RGL1: variants seen among roughly 807,000 people sequenced by gnomAD.
RGL1 encodes the protein ral guanine nucleotide dissociation stimulator-like 1.
A neutral mutation model predicts 95.2 loss-of-function variants in RGL1; 24 were observed. The observed-to-expected ratio is 0.25, with a 90% CI of 0.18 to 0.35. The LOEUF is 0.35. Ranked by LOEUF, RGL1 falls within the 10% of genes least tolerant of loss-of-function variation. The pLI, the probability that RGL1 is intolerant of heterozygous loss-of-function variation, is 1.00. For missense variants in RGL1, 715 were observed against 936.3 expected, an observed-to-expected ratio of 0.76 and a Z score of 3.08; for synonymous variants, 329 against 344.9, an observed-to-expected ratio of 0.95 and a Z score of 0.51.
chr1:183,863,789 T>G (rs1665662070), intron 3 of RGL1, among the ~76,000 whole-genome samples: 1 of 152,196 alleles, frequency 6.6e-6, no homozygotes, highest in Non-Finnish European at 1.5e-5. Context: ...ACACTCCTTT[T>G]TATCCATGGC....
intron 1 of RGL1, among the ~76,000 whole-genome samples, chr1:183,734,112 C>T (rs1478785240): frequency 6.6e-6 from 1 of 152,166 alleles, no homozygotes. Flanking sequence ...CTAGTCGATT[C>T]GGAAGCTAGT....
intron 1 of RGL1, among the ~76,000 whole-genome samples, chr1:183,722,437 ATCTTTCATATTT>A: frequency 6.6e-6 from 1 of 152,224 alleles, no homozygotes; most frequent in East Asian, 1.9e-4. Context: ...ATGACCAAAC[ATCTTTCATATTT>A]TATGAAAGGT....
chr1:183,896,682 AC>A lies in RGL1; in HGVS notation c.1141-1119del, dbSNP rs775051893. Among the ~76,000 whole-genome samples the A allele has an allele frequency of 2.0e-5, 3 of 152,016 alleles. No individual in the cohort carries two copies. In the South Asian group the frequency reaches 6.2e-4, roughly 32 times the overall value. On this transcript the variant is annotated intron_variant, in intron 9 of 17. Transcript: ENST00000360851. ...TATATACTACTGAATTGTGCAATTT[AC>A]CCCCCCATTCATGCAGTTCCTGGAA...
At chr1:183,831,291 A>G (rs1436646286) in intron 2 of RGL1, among the ~76,000 whole-genome samples, 1 of 152,186 alleles carries the variant, frequency 6.6e-6, no homozygotes. Context: ...AACAAATGCA[A>G]AGATCCTTCC....
intron 1 of RGL1, among the ~76,000 whole-genome samples, chr1:183,659,996 C>G (rs962900306): frequency 6.6e-6 from 1 of 151,722 alleles, no homozygotes. Context: ...ACTTTACAGA[C>G]AAGCAAATGC....
intron 1 of RGL1, among the ~76,000 whole-genome samples, chr1:183,665,582 C>T (rs940988435): frequency 1.8e-4 from 28 of 152,270 alleles, no homozygotes; most frequent in Admixed American, 1.2e-3. Flanking sequence ...CCCATTAAGA[C>T]TGCCTATTTA....
rs775349275 is a variant in RGL1, at chr1:183,648,204, A to G, written c.-33+11703A>G. The G allele has an allele frequency of 3.7e-6, 6 of 1,614,214 alleles. No homozygotes were observed. In the South Asian group the frequency reaches 6.6e-5, roughly 18 times the overall value. ...AAAGCTGTGGAGAACAGAATGCCAGATCCCACCACTTATTGGACTCAAAAC... is the reference window on the plus strand; with the variant it reads ...AAAGCTGTGGAGAACAGAATGCCAGGTCCCACCACTTATTGGACTCAAAAC... On this transcript the variant is annotated intron_variant, in intron 1 of 18. Coordinates refer to the RGL1 transcript ENST00000304685.
At chr1:183,776,513 T>A (rs1389950540) in intron 2 of RGL1, among the ~76,000 whole-genome samples, 3 of 152,138 alleles carry the variant, frequency 2.0e-5, no homozygotes, top group Non-Finnish European at 4.4e-5. Flanking sequence ...AACAGCACAT[T>A]ATGCGGCACA....
At chr1:183,805,098 G>A (rs533265327), upstream of RGL1, 10 of 518,144 alleles carry the variant, frequency 1.9e-5, no homozygotes, top group Non-Finnish European at 2.7e-5. Context: ...TCGCTTGCTC[G>A]CTCGCTCGCC....
intron 2 of RGL1, among the ~76,000 whole-genome samples, chr1:183,778,550 T>C (rs1207108653): frequency 2.0e-5 from 3 of 152,206 alleles, no homozygotes; most frequent in Admixed American, 2.0e-4. Flanking sequence ...GATATGTTTC[T>C]GTCCTTTATG....
rs185039268 is a variant in RGL1 at position 183,875,740 on chromosome 1, A to C, written c.426-4876A>C. On this transcript the variant is annotated intron_variant, in intron 4 of 17. Transcript: ENST00000360851. ...AAAAGAAAAAAAAAATTAGCCAGGC[A>C]TGGTGGCACGTGCCTGTAATCCCAG... Among the ~76,000 whole-genome samples the C allele has an allele frequency of 4.5e-3, 689 of 151,974 alleles. 6 individuals are homozygous for C. The highest frequency in any genetic ancestry group is 0.016 in the Admixed American group (239 of 15,272).
intron 1 of RGL1, among the ~76,000 whole-genome samples, chr1:183,655,956 T>C (rs1651124793): frequency 6.6e-6 from 1 of 152,090 alleles, no homozygotes; most frequent in South Asian, 2.1e-4. Context: ...TGTTAAACAG[T>C]GATGGGAGGC....
rs534897260 is a variant in RGL1 at position 183,742,304 on chromosome 1, A to G, written c.132+15A>G. 1.1e-5 allele frequency: 17 copies of G among 1,613,790 alleles called. No individual in the cohort carries two copies. In the African/African-American group the frequency reaches 2.1e-4, roughly 20 times the overall value. On this transcript the variant is annotated intron_variant, in intron 2 of 18. Coordinates refer to the RGL1 transcript ENST00000304685. The stretch of plus-strand genomic sequence containing the variant: ...AGACAGAGGAGGTAAGATGACTCTA[A>G]ATGACACAGTTGGTGAAATGTTGGA...
chr1:183,817,398 G>A (rs544049385), intron 2 of RGL1, among the ~76,000 whole-genome samples: 144 of 152,238 alleles, frequency 9.5e-4, no homozygotes, highest in Non-Finnish European at 1.9e-3. Context: ...GCTGATTATA[G>A]CTGCTTCCTT....
chr1:183,921,197 A>C (rs2102757310), intron 16 of RGL1, among the ~76,000 whole-genome samples: 1 of 152,336 alleles, frequency 6.6e-6, no homozygotes, highest in South Asian at 2.1e-4. Context: ...ATTGGGGACG[A>C]GGGAAACCTT....
chr1:183,847,907 C>A, intron 3 of RGL1, 133 bp downstream of exon 3: 1 of 664,184 alleles, frequency 1.5e-6, no homozygotes, highest in Non-Finnish European at 2.6e-6. Flanking sequence ...AAGGGATGAC[C>A]TTTGGCACAA....
intron 1 of RGL1, among the ~76,000 whole-genome samples, chr1:183,643,262 T>TTTGTTTGTTTG (rs1553265192): frequency 1.7e-3 from 231 of 136,496 alleles, no homozygotes; most frequent in Middle Eastern, 7.5e-3. Flanking sequence ...GGTCCTGTTT[T>TTTGTTTGTTTG]TTTATTTATT....
intron 1 of RGL1, among the ~76,000 whole-genome samples, chr1:183,703,080 G>C (rs544035903): frequency 6.6e-6 from 1 of 152,154 alleles, no homozygotes; most frequent in Non-Finnish European, 1.5e-5. Context: ...GTTGGCACAA[G>C]TGGTCTTGTG....
chr1:183,900,289 C>A (rs534319789), intron 11 of RGL1, 53 bp downstream of exon 11: 1 of 1,394,940 alleles, frequency 7.2e-7, no homozygotes, highest in Admixed American at 1.7e-5. Flanking sequence ...CACTGGATAC[C>A]CTAAAGAGTA....
Sources: gnomAD v4.1 joint callset for allele counts (sites outside exome capture counted in the v4.1 genomes callset) on GRCh38, gnomAD v4.1.1 for gene constraint, MANE v1.5 for transcripts, NCBI Gene and HGNC (gene_info 2026-07-23, HGNC 2026-07-21) for gene names.